TMEM181: variants seen among roughly 807,000 people sequenced by gnomAD.
The protein encoded by TMEM181 is transmembrane protein 181, also known as G protein-coupled receptor 178.
In TMEM181, 39 loss-of-function variants were observed where a neutral mutation model predicts 71.9. The ratio of observed to expected loss-of-function variants is 0.54; its 90% CI spans 0.42 to 0.71. The LOEUF is 0.71. Among genes scored for constraint, TMEM181 ranks in the 30% least tolerant of loss-of-function variants. The probability of loss-of-function intolerance (pLI) is 0.00; values close to 1 mark genes in which losing one functional copy is unlikely to be tolerated. For missense variants in TMEM181, 595 were observed against 583.0 expected, an observed-to-expected ratio of 1.02 and a Z score of -0.21; for synonymous variants, 245 against 228.8, an observed-to-expected ratio of 1.07 and a Z score of -0.64.
intron 2 of TMEM181, among the ~76,000 whole-genome samples, chr6:158,577,594 G>A (rs1026155371): frequency 1.2e-4 from 19 of 152,118 alleles, no homozygotes; most frequent in Non-Finnish European, 2.4e-4. Context: ...CATCCAAGAA[G>A]CTCAACAAAC....
chr6:158,565,077 G>T (rs1418905949), intron 1 of TMEM181, among the ~76,000 whole-genome samples: 1 of 152,210 alleles, frequency 6.6e-6, no homozygotes, highest in Non-Finnish European at 1.5e-5. Context: ...GGTGTTGCTG[G>T]GTTCTGTAGA....
At chr6:158,572,967 G>A (rs1289569270) in intron 1 of TMEM181, among the ~76,000 whole-genome samples, 1 of 151,988 alleles carries the variant, frequency 6.6e-6, no homozygotes, top group Non-Finnish European at 1.5e-5. Context: ...GGCAGTACCT[G>A]GAGCTTCGAG....
intron 1 of TMEM181, chr6:158,572,383 T>G (rs1229177922): frequency 2.2e-6 from 1 of 456,448 alleles, no homozygotes; most frequent in Non-Finnish European, 4.4e-6. Context: ...TCCTTCCCGC[T>G]GGTCTGGCTC....
intron 15 of TMEM181, 67 bp from the exon 16 acceptor site, chr6:158,631,256 A>G: frequency 6.5e-7 from 1 of 1,539,054 alleles, no homozygotes; most frequent in Non-Finnish European, 9.0e-7. Flanking sequence ...TGTCCGGGAC[A>G]GCATCCTGCC....
chr6:158,583,929 G>T (rs1318701862), intron 3 of TMEM181, 25 bp from the exon 4 acceptor site: 10 of 1,565,694 alleles, frequency 6.4e-6, no homozygotes, highest in East Asian at 2.3e-5. Context: ...AGGTCACATG[G>T]ATTACTTTGT....
Position 158,609,112 on chromosome 6 carries a change from A to AG in TMEM181, c.896+364dup, listed in dbSNP as rs1554228085. 3.2e-3 allele frequency among the ~76,000 whole-genome samples: 485 copies of AG among 151,466 alleles called. 3 individuals carry two copies. The highest frequency in any genetic ancestry group is 0.011 in the African/African-American group (435 of 41,310). On this transcript the variant is annotated intron_variant, in intron 10 of 16. Transcript: ENST00000684151. ...GACCTTGTCTCAAAAAAAAAAAAAA[A>AG]GGTGAAAAGGCTTACAATCAAACTG...
In TMEM181 at chr6:158,587,871, A is replaced by G. The variant is rs557580861; in HGVS notation, c.382-1801A>G. The stretch of plus-strand genomic sequence containing the variant: ...CTTTTGTTAATTAAAACATCCCTGA[A>G]AAGTGAGACAAATTCTTAAACTCGC... On this transcript the variant is annotated intron_variant, in intron 5 of 16. Transcript: ENST00000684151. Among the ~76,000 whole-genome samples, 25 of 152,238 alleles carry G rather than the reference A, an allele frequency of 1.6e-4. 1 individual carries two copies. The South Asian group carries it at 4.8e-3, about 29-fold the overall frequency.
At position 158,631,330 on chromosome 6, in the gene TMEM181, G is replaced by T; in HGVS notation, c.1290G>T (p.Gln430His). The change falls in exon 16 of 17, where the codon CAG becomes CAT. Residue 430 changes from glutamine (Q) to histidine (H), a missense_variant. Gln to His is a conservative substitution (Grantham distance 24). Transcript: ENST00000684151. ...SPSKNALYES[Q>H]LKDNPAFSML... ...GCTCTTGTTGGTTTTCAGAGTCCCA[G>T]CTGAAAGACAATCCTGCCTTCTCCA... is the stretch of plus-strand genomic sequence containing the variant. The T allele has an allele frequency of 6.2e-7, 1 of 1,614,200 alleles. No individual in the cohort carries two copies. The highest frequency in any genetic ancestry group is 8.5e-7 in the Non-Finnish European group (1 of 1,180,026).
chr6:158,572,634 T>G (rs1323770054), intron 1 of TMEM181, among the ~76,000 whole-genome samples: 1 of 152,226 alleles, frequency 6.6e-6, no homozygotes, highest in African/African-American at 2.4e-5. Flanking sequence ...ATGTACTACC[T>G]GGGCCTTTAC....
chr6:158,609,617 C>G (rs1785174167), intron 10 of TMEM181: 1 of 172,240 alleles, frequency 5.8e-6, no homozygotes, highest in South Asian at 1.4e-4. Flanking sequence ...CATCCTCCCC[C>G]TGGGACACAG....
chr6:158,549,536 CTATG>C (rs1227519722), intron 1 of TMEM181, among the ~76,000 whole-genome samples: 2 of 152,284 alleles, frequency 1.3e-5, no homozygotes, highest in East Asian at 3.9e-4. Flanking sequence ...GACTTCAAGA[CTATG>C]GTGGTGTCAG....
Position 158,634,744 on chromosome 6 carries a change from A to AT in TMEM181, c.*2860dup, listed in dbSNP as rs1257322698. On this transcript the variant is annotated 3_prime_UTR_variant, in exon 17 of 17. Coordinates refer to ENST00000684151, the MANE Select transcript of TMEM181 (RefSeq NM_001376852.1). ...CAGATTGCAATAAAAGCTTAGATAC[A>AT]TTTTGTAAACCCAACCCACTAAATG... 6.6e-6 allele frequency: 1 copy of AT among 152,226 alleles called. No homozygotes were observed. The highest frequency in any genetic ancestry group is 1.5e-5 in the Non-Finnish European group (1 of 68,042). 9.4% of individuals were successfully genotyped at this position (152,226 alleles called of 1,614,324 possible).
chr6:158,544,527 A>C (rs1781462712), intron 1 of TMEM181, among the ~76,000 whole-genome samples: 1 of 152,114 alleles, frequency 6.6e-6, no homozygotes, highest in Non-Finnish European at 1.5e-5. Context: ...AGGCGGCTGA[A>C]AGCTAGCTGA....
In TMEM181 at chr6:158,560,304, C is replaced by T. The variant is rs1325771617; in HGVS notation, c.8+72C>T. The T allele has an allele frequency of 1.1e-5, 11 of 985,132 alleles. No homozygotes were observed. In the African/African-American group the frequency reaches 1.6e-4, roughly 14 times the overall value. The allele number at this position is 985,132 out of a possible 1,614,324, so 61.0% of individuals were successfully genotyped here. On this transcript the variant is annotated intron_variant, in intron 1 of 16. Transcript: ENST00000684151. The stretch of plus-strand genomic sequence containing the variant: ...CCGGCCGAAAGTTGGGGATCCCTGG[C>T]TCCCGGCGCCGTGCCGCAGGGTCCC...
At chr6:158,541,154 G>A (rs1303085231) in intron 1 of TMEM181, among the ~76,000 whole-genome samples, 5 of 152,218 alleles carry the variant, frequency 3.3e-5, no homozygotes, top group South Asian at 2.1e-4. Flanking sequence ...GGTGGCTCAT[G>A]CCTGTAATCC....
intron 1 of TMEM181, among the ~76,000 whole-genome samples, chr6:158,552,283 G>A (rs947960203): frequency 2.6e-5 from 4 of 152,184 alleles, no homozygotes; most frequent in African/African-American, 9.7e-5. Flanking sequence ...CTCCTGCAGT[G>A]TGATTGCTTT....
At position 158,620,495 on chromosome 6, in the gene TMEM181, AGAGAGG is replaced by A. The variant is rs1785893568; in HGVS notation, c.897-3043_897-3038del. Among the ~76,000 whole-genome samples the A allele has an allele frequency of 6.6e-6, 1 of 152,150 alleles. No individual in the cohort carries two copies. Among genetic ancestry groups the A allele is most frequent in the African/African-American group, 2.4e-5 (1 of 41,424 alleles). On this transcript the variant is annotated intron_variant, in intron 10 of 16. Transcript: ENST00000684151. This position sits in a 1 kb window ranked among gnomAD's most constrained non-coding sequence, Gnocchi z 4.5. Reference sequence around the variant, plus strand: ...TCCCGAACCGGCATGCGTGAGGAAGAGAGAGGGAGAGGGAGAGAGAAAGAAGAGGGA... The same window carrying A: ...TCCCGAACCGGCATGCGTGAGGAAGAGAGAGGGAGAGAGAAAGAAGAGGGA...
intron 1 of TMEM181, among the ~76,000 whole-genome samples, chr6:158,544,182 A>AGAGTGT (rs149735409): frequency 3.9e-5 from 5 of 127,562 alleles, no homozygotes; most frequent in Admixed American, 7.9e-5. Context: ...AATTGGAGAG[A>AGAGTGT]GTGTGTGTGT....
upstream of TMEM181, among the ~76,000 whole-genome samples, chr6:158,558,494 A>AACATTT (rs1030383359): frequency 5.9e-5 from 9 of 152,206 alleles, no homozygotes; most frequent in African/African-American, 2.2e-4. Context: ...GTGGTTAGAC[A>AACATTT]ACATTTATGG....
Sources: gnomAD v4.1 joint callset for allele counts (sites outside exome capture counted in the v4.1 genomes callset) on GRCh38, gnomAD v4.1.1 for gene constraint, Gnocchi (gnomAD v3.1) non-coding constraint, MANE v1.5 for transcripts, NCBI Gene and HGNC (gene_info 2026-07-23, HGNC 2026-07-21) for gene names.